ZNF461: variants seen among roughly 807,000 people sequenced by gnomAD.
The protein encoded by ZNF461 is gonadotropin-inducible ovarian transcription factor-1.
A neutral mutation model predicts 18.3 loss-of-function variants in ZNF461; 16 were observed. The observed-to-expected ratio is 0.88, with a 90% CI of 0.59 to 1.33. ZNF461 has a LOEUF of 1.33. Ranked by LOEUF, ZNF461 falls within the 40% of genes most tolerant of loss-of-function variation. ZNF461 has a pLI of 0.00. For missense variants in ZNF461, 595 were observed against 669.9 expected (o/e 0.89, Z 1.23); for synonymous variants, 179 against 216.9 (o/e 0.83, Z 1.54).
At chr19:36,647,530 C>A (rs1044180939) in intron 4 of ZNF461, among the ~76,000 whole-genome samples, 3 of 152,054 alleles carry the variant, frequency 2.0e-5, no homozygotes, top group African/African-American at 7.2e-5. Context: ...CAGAGCAAGA[C>A]TCTGTCTCAA....
At chr19:36,654,654 G>C (rs1451638603) in intron 4 of ZNF461, among the ~76,000 whole-genome samples, 1 of 151,980 alleles carries the variant, frequency 6.6e-6, no homozygotes, top group African/African-American at 2.4e-5. Context: ...TTACAGGCAT[G>C]AGCCACCATG....
intron 3 of ZNF461, 91 bp downstream of exon 3, chr19:36,658,208 A>G (rs988514783): frequency 2.5e-5 from 34 of 1,359,418 alleles, no homozygotes; most frequent in Non-Finnish European, 3.1e-5. Flanking sequence ...CCCTAAATTA[A>G]TAGGGGGGAA....
intron 4 of ZNF461, among the ~76,000 whole-genome samples, chr19:36,651,233 GA>G (rs34091845): frequency 0.55 from 46,067 of 83,036 alleles, 10,734 homozygotes; most frequent in East Asian, 0.59. Context: ...TCCGTCTCAG[GA>G]AAAAAAAAAA....
At chr19:36,658,237 T>C in intron 3 of ZNF461, 62 bp downstream of exon 3, 2 of 1,521,906 alleles carry the variant, frequency 1.3e-6, no homozygotes, top group South Asian at 1.3e-5. Flanking sequence ...TTCCAAGAAG[T>C]AGATTGTGAA....
intron 5 of ZNF461, among the ~76,000 whole-genome samples, chr19:36,640,504 A>G (rs2037405298): frequency 6.6e-6 from 1 of 152,218 alleles, no homozygotes; most frequent in East Asian, 1.9e-4. Context: ...AAAGCTGCCA[A>G]TATAAACTCT....
chr19:36,666,281 G>T (rs1307155624), intron 1 of ZNF461, among the ~76,000 whole-genome samples: 1 of 151,758 alleles, frequency 6.6e-6, no homozygotes, highest in Non-Finnish European at 1.5e-5. Context: ...TTTAGTAGAG[G>T]TGGGGTTTCT....
rs1325520848 is a variant in ZNF461, at chr19:36,638,401, G to C, written c.*252C>G. 3.3e-6 allele frequency: 1 copy of C among 307,108 alleles called. No homozygotes were observed. Among genetic ancestry groups the C allele is most frequent in the African/African-American group, 2.2e-5 (1 of 45,760 alleles). 19.0% of individuals were successfully genotyped at this position (307,108 alleles called of 1,614,324 possible). On this transcript the variant is annotated 3_prime_UTR_variant, in exon 6 of 6. Transcript: ENST00000588268. ...CACTGTTTCAGTGAAATATTTCACT[G>C]GTTTCAGTGAAACATGTAATTTTAG... is the stretch of plus-strand genomic sequence containing the variant.
intron 4 of ZNF461, among the ~76,000 whole-genome samples, chr19:36,652,767 C>A (rs967906459): frequency 2.0e-5 from 3 of 152,080 alleles, no homozygotes; most frequent in African/African-American, 7.2e-5. Context: ...AAGCTTTGTT[C>A]TTTCGCTCTT....
chr19:36,638,906 A>C lies in ZNF461; in HGVS notation c.1439T>G (p.Leu480Arg). The C allele has an allele frequency of 6.3e-7, 1 of 1,598,894 alleles. No individual in the cohort carries two copies. Among genetic ancestry groups the C allele is most frequent in the South Asian group, 1.1e-5 (1 of 90,546 alleles). ...ECMICGKAFR[L>R]HSHLIQHQRI... Reference sequence around the variant, plus strand: ...TTGATGTTGAATAAGGTGTGAATGAAGTCTAAAGGCCTTACCACATATCAT... The same window carrying C: ...TTGATGTTGAATAAGGTGTGAATGACGTCTAAAGGCCTTACCACATATCAT... The change falls in exon 6 of 6, where the codon CTT (leucine) becomes CGT (arginine). Residue 480 changes from leucine to arginine, a missense_variant. Physicochemically the swap from Leu to Arg is moderately radical, Grantham distance 102. Transcript: ENST00000588268.
chr19:36,639,437 C>T lies in ZNF461; in HGVS notation c.908G>A (p.Cys303Tyr), dbSNP rs2037375552. The change falls in exon 6 of 6, where the codon TGT becomes TAT. Residue 303 changes from cysteine (C) to tyrosine (Y), a missense_variant. Cys to Tyr is a radical substitution (Grantham distance 194). Coordinates refer to ENST00000588268, the MANE Select transcript of ZNF461 (RefSeq NM_153257.5). ...RIHTGEKPYE[C>Y]KECGKAFRQR... ...TCTAAAGGCCTTCCCACATTCTTTACATTCATAAGGTTTCTCACCAGTGTG... is the reference window on the plus strand; with the variant it reads ...TCTAAAGGCCTTCCCACATTCTTTATATTCATAAGGTTTCTCACCAGTGTG... 1 of 1,614,036 alleles carries T rather than the reference C, an allele frequency of 6.2e-7. No individual in the cohort carries two copies.
chr19:36,664,659 T>A, intron 2 of ZNF461, 39 bp downstream of exon 2: 1 of 1,476,736 alleles, frequency 6.8e-7, no homozygotes, highest in South Asian at 1.4e-5. Flanking sequence ...AAACAAAAAA[T>A]CAAGTATTGT....
chr19:36,647,917 C>T (rs2037557088), intron 4 of ZNF461, among the ~76,000 whole-genome samples: 1 of 151,808 alleles, frequency 6.6e-6, no homozygotes, highest in Admixed American at 6.6e-5. Context: ...TGTGGTGGCT[C>T]ATGCCTGTAA....
At chr19:36,665,371 A>G (rs2145423090) in intron 1 of ZNF461, among the ~76,000 whole-genome samples, 1 of 152,354 alleles carries the variant, frequency 6.6e-6, no homozygotes, top group South Asian at 2.1e-4. Flanking sequence ...AATATTCTTA[A>G]GTTTGTCTTT....
chr19:36,665,582 G>T (rs1254067674), intron 1 of ZNF461, among the ~76,000 whole-genome samples: 3 of 151,876 alleles, frequency 2.0e-5, no homozygotes, highest in Non-Finnish European at 4.4e-5. Context: ...GGTGGCGGAT[G>T]CCTGTAATCC....
In ZNF461 at chr19:36,638,656, T is replaced by A. The variant is rs772734278; in HGVS notation, c.1689A>T (p.Ser563=). Residue 563 remains serine (S), a synonymous_variant, in exon 6 of 6, where the codon TCA becomes TCT. Transcript: ENST00000588268. ...PLLPPHPSLA[S] is the part of the protein sequence containing the mutation. ...TGTATATTTCCATCAACAAATTTCA[T>A]GATGCTAGACTAGGATGGGGAGGGA... 1 of 1,583,340 alleles carries A rather than the reference T, an allele frequency of 6.3e-7. No individual in the cohort carries two copies. Among genetic ancestry groups the A allele is most frequent in the African/African-American group, 1.4e-5 (1 of 73,484 alleles).
chr19:36,656,165 T>C (rs2037714658), intron 4 of ZNF461, among the ~76,000 whole-genome samples: 1 of 151,696 alleles, frequency 6.6e-6, no homozygotes, highest in African/African-American at 2.4e-5. Context: ...GCCCGGCTAA[T>C]TTTTTGTATT....
chr19:36,639,322 G>A lies in ZNF461; in HGVS notation c.1023C>T (p.Gly341=), dbSNP rs367661214. The change falls in exon 6 of 6, where the codon GGC becomes GGT. Residue 341 remains glycine (G), a synonymous_variant. Coordinates refer to ENST00000588268, the MANE Select transcript of ZNF461 (RefSeq NM_153257.5). ...GTCGCAGGTGTTCAGTAAGTTGAAA[G>A]CCACGAATAAAAGCCTTCCCACATT... ...CKQCGKAFIR[G]FQLTEHLRLH... 7.4e-6 allele frequency: 12 copies of A among 1,613,764 alleles called. 1 individual carries two copies. Among genetic ancestry groups the A allele is most frequent in the Non-Finnish European group, 1.0e-5 (12 of 1,179,980 alleles).
chr19:36,651,520 A>G, intron 4 of ZNF461, among the ~76,000 whole-genome samples: 1 of 152,152 alleles, frequency 6.6e-6, no homozygotes, highest in East Asian at 1.9e-4. Flanking sequence ...GTAAGATCAC[A>G]AAATATAGGA....
chr19:36,652,080 T>C (rs2037636631), intron 4 of ZNF461, among the ~76,000 whole-genome samples: 1 of 152,140 alleles, frequency 6.6e-6, no homozygotes, highest in Admixed American at 6.6e-5. Context: ...TGAGAAGGGA[T>C]AACTTTTAAA....
Sources: allele counts gnomAD v4.1 joint callset (sites outside exome capture counted in the v4.1 genomes callset), GRCh38; gene constraint gnomAD v4.1.1; transcripts MANE v1.5; gene names NCBI Gene and HGNC (gene_info 2026-07-23, HGNC 2026-07-21).